SEZ6L: variants seen among roughly 807,000 people sequenced by gnomAD.
The protein encoded by SEZ6L is seizure related 6 homolog like, also known as seizure 6-like protein.
Under a neutral mutation model 106.2 loss-of-function variants are expected in SEZ6L, and 37 were observed. That is an observed-to-expected ratio of 0.35 (90% CI 0.27 to 0.46). The LOEUF (loss-of-function observed/expected upper bound fraction) is 0.46. Among genes scored for constraint, SEZ6L ranks in the 20% least tolerant of loss-of-function variants. SEZ6L has a pLI of 1.00. For synonymous variants in SEZ6L, 541 were observed against 570.4 expected (o/e 0.95, Z 0.73); for missense variants, 1,172 against 1,332.8 (o/e 0.88, Z 1.88).
chr22:26,322,196 A>G (rs2082173585), intron 9 of SEZ6L, among the ~76,000 whole-genome samples: 1 of 152,218 alleles, frequency 6.6e-6, no homozygotes, highest in South Asian at 2.1e-4. Flanking sequence ...TACTATTATC[A>G]GGAATCCTCA....
intron 1 of SEZ6L, among the ~76,000 whole-genome samples, chr22:26,217,007 G>T (rs1235713243): frequency 6.6e-6 from 1 of 152,152 alleles, no homozygotes; most frequent in Non-Finnish European, 1.5e-5. Flanking sequence ...CACCCCTGAG[G>T]ATTAAATGGG....
chr22:26,310,927 G>A (rs1462984325), intron 7 of SEZ6L, 91 bp downstream of exon 7: 15 of 1,306,794 alleles, frequency 1.1e-5, no homozygotes, highest in Admixed American at 9.9e-5. Flanking sequence ...TCTGGGCTGC[G>A]AAGGATGTGG....
chr22:26,341,645 A>G (rs942649328), intron 10 of SEZ6L, among the ~76,000 whole-genome samples: 3 of 152,128 alleles, frequency 2.0e-5, no homozygotes, highest in Non-Finnish European at 2.9e-5. Context: ...CAGATTTAAC[A>G]TGGCCAAACA....
At chr22:26,324,408 A>T (rs941757493) in intron 9 of SEZ6L, among the ~76,000 whole-genome samples, 3 of 152,204 alleles carry the variant, frequency 2.0e-5, no homozygotes, top group Admixed American at 1.3e-4. Context: ...TAGCTGCAGA[A>T]CAGTCCTCTT....
intron 1 of SEZ6L, among the ~76,000 whole-genome samples, chr22:26,269,473 T>C (rs771939593): frequency 1.3e-5 from 2 of 152,154 alleles, no homozygotes; most frequent in African/African-American, 2.4e-5. Flanking sequence ...CAGGTCAAGA[T>C]TGGAACCCTA....
chr22:26,203,459 A>G (rs1569375326), intron 1 of SEZ6L, among the ~76,000 whole-genome samples: 1 of 152,234 alleles, frequency 6.6e-6, no homozygotes, highest in Non-Finnish European at 1.5e-5. Flanking sequence ...ATCTTTGGCA[A>G]GCAGCAAATA....
chr22:26,174,014 G>A (rs1255360493), intron 1 of SEZ6L, among the ~76,000 whole-genome samples: 4 of 152,142 alleles, frequency 2.6e-5, no homozygotes, highest in African/African-American at 7.2e-5. Flanking sequence ...ATAGCACTAC[G>A]CATGCGGTAG....
chr22:26,373,367 T>G, intron 13 of SEZ6L, 84 bp from the exon 14 acceptor site: 2 of 1,197,404 alleles, frequency 1.7e-6, no homozygotes, highest in Non-Finnish European at 2.4e-6. Flanking sequence ...GCATGGGCTT[T>G]TGCATCAAAT....
At chr22:26,276,286 G>C (rs2080542539) in intron 1 of SEZ6L, among the ~76,000 whole-genome samples, 1 of 152,212 alleles carries the variant, frequency 6.6e-6, no homozygotes, top group Non-Finnish European at 1.5e-5. Context: ...TACAAAGCAG[G>C]AAACTTGAGG....
At chr22:26,316,922 AAAAAGAAAGAAAG>A (rs2082019357) in intron 9 of SEZ6L, among the ~76,000 whole-genome samples, 2 of 151,710 alleles carry the variant, frequency 1.3e-5, no homozygotes, top group African/African-American at 4.8e-5. Flanking sequence ...AGAAAGAAAG[AAAAAGAAAGAAAG>A]AAAAGAAAGA....
At chr22:26,217,870 T>A (rs1016538234) in intron 1 of SEZ6L, among the ~76,000 whole-genome samples, 2 of 152,274 alleles carry the variant, frequency 1.3e-5, no homozygotes, top group Admixed American at 1.3e-4. Context: ...TGGCTTTCTT[T>A]CATGAGAGTT....
chr22:26,362,951 T>G (rs1226234623), intron 12 of SEZ6L, among the ~76,000 whole-genome samples: 1 of 152,222 alleles, frequency 6.6e-6, no homozygotes, highest in Non-Finnish European at 1.5e-5. Context: ...TAAAACATAC[T>G]CATCAATTGA....
intron 1 of SEZ6L, among the ~76,000 whole-genome samples, chr22:26,219,130 T>C (rs190312211): frequency 3.7e-4 from 57 of 152,288 alleles, no homozygotes; most frequent in Non-Finnish European, 6.8e-4. Flanking sequence ...TCTTTAAGCC[T>C]GAGCTCCCTC....
intron 10 of SEZ6L, among the ~76,000 whole-genome samples, chr22:26,341,756 G>A (rs1265799872): frequency 6.6e-6 from 1 of 152,164 alleles, no homozygotes; most frequent in Non-Finnish European, 1.5e-5. Flanking sequence ...GGTTTCTCAG[G>A]CTGCTTCCTC....
chr22:26,302,538 G>T (rs2081488837), intron 5 of SEZ6L, among the ~76,000 whole-genome samples: 1 of 152,166 alleles, frequency 6.6e-6, no homozygotes, highest in African/African-American at 2.4e-5. Context: ...CTGCCCTCCA[G>T]TTATTCATAG....
At chr22:26,329,903 C>T (rs16981761) in intron 9 of SEZ6L, among the ~76,000 whole-genome samples, 10,793 of 152,294 alleles carry the variant, frequency 0.071, 697 homozygotes, top group Admixed American at 0.22. Context: ...TTGCATACAA[C>T]GGAATTTACA....
At chr22:26,205,646 G>A (rs1941234796) in intron 1 of SEZ6L, among the ~76,000 whole-genome samples, 3 of 152,054 alleles carry the variant, frequency 2.0e-5, no homozygotes, top group South Asian at 4.2e-4. Context: ...CAAAATCTCG[G>A]TGGTGGGGGA....
At chr22:26,342,178 G>T (rs1470515559) in intron 10 of SEZ6L, among the ~76,000 whole-genome samples, 2 of 152,190 alleles carry the variant, frequency 1.3e-5, no homozygotes, top group African/African-American at 4.8e-5. Flanking sequence ...TGGGTGAGTG[G>T]TTGCACCCCA....
chr22:26,270,463 GGTGTGTGTGTGTGT>G (rs60049781), intron 1 of SEZ6L, among the ~76,000 whole-genome samples: 2 of 146,264 alleles, frequency 1.4e-5, no homozygotes, highest in South Asian at 2.2e-4. Flanking sequence ...AATTGTGAGG[GGTGTGTGTGTGTGT>G]GTGTGTGTGT....
Sources: allele counts gnomAD v4.1 joint callset (sites outside exome capture counted in the v4.1 genomes callset), GRCh38; gene constraint gnomAD v4.1.1; transcripts MANE v1.5; gene names NCBI Gene and HGNC (gene_info 2026-07-23, HGNC 2026-07-21).